RSPO3: variants seen among roughly 807,000 people sequenced by gnomAD.
The protein encoded by RSPO3 is R-spondin 3.
RSPO3 carries 17 observed loss-of-function variants against 36.5 expected under a neutral mutation model. The observed-to-expected ratio is 0.47, with a 90% CI of 0.32 to 0.70. The LOEUF is 0.70. RSPO3 is among the 30% of genes least tolerant of loss of function. The probability of loss-of-function intolerance (pLI) is 0.04; values close to 1 mark genes in which losing one functional copy is unlikely to be tolerated. For missense variants in RSPO3, 294 were observed against 322.5 expected (o/e 0.91, Z 0.68); for synonymous variants, 108 against 107.0 (o/e 1.01, Z -0.06).
intron 1 of RSPO3, among the ~76,000 whole-genome samples, chr6:127,145,908 GT>G (rs1470668065): frequency 6.6e-6 from 1 of 152,130 alleles, no homozygotes. Context: ...ATAGACCAAA[GT>G]TTTTTGTGGT....
chr6:127,141,385 T>C (rs917299625), intron 1 of RSPO3, among the ~76,000 whole-genome samples: 3 of 152,150 alleles, frequency 2.0e-5, no homozygotes, highest in African/African-American at 7.2e-5. Flanking sequence ...TTTCTTAATA[T>C]TTTGGGCTGA....
At chr6:127,174,592 A>G (rs1775010287) in intron 4 of RSPO3, among the ~76,000 whole-genome samples, 1 of 151,350 alleles carries the variant, frequency 6.6e-6, no homozygotes, top group South Asian at 2.1e-4. Flanking sequence ...TAATTTTTCA[A>G]GTTGACCTCC....
intron 4 of RSPO3, among the ~76,000 whole-genome samples, chr6:127,169,617 C>T (rs761495249): frequency 1.4e-4 from 22 of 151,752 alleles, no homozygotes; most frequent in African/African-American, 4.8e-4. Flanking sequence ...ATAAACAACA[C>T]GAAAGAGTTA....
intron 4 of RSPO3, among the ~76,000 whole-genome samples, chr6:127,167,969 C>T (rs1774855863): frequency 6.6e-6 from 1 of 152,070 alleles, no homozygotes; most frequent in Admixed American, 6.6e-5. Context: ...CATAGTATTC[C>T]ATGGTGTATA....
Position 127,118,887 on chromosome 6 carries a change from G to A in RSPO3, c.-306G>A. The A allele has an allele frequency of 5.0e-6, 1 of 198,368 alleles. No homozygotes were observed. The highest frequency in any genetic ancestry group is 1.0e-5 in the Non-Finnish European group (1 of 99,042). The allele number at this position is 198,368 out of a possible 1,614,324, so 12.3% of individuals were successfully genotyped here. A position where few individuals can be genotyped will look rare whatever the true frequency, so the allele number is the denominator to read the frequency against. The stretch of plus-strand genomic sequence containing the variant: ...CCGGATCCCGCCTGCGGCAGTTGCC[G>A]CACAACATGCTACCTGCGGCCGCCC... On this transcript the variant is annotated 5_prime_UTR_variant, in exon 1 of 5. Coordinates refer to ENST00000356698, the MANE Select transcript of RSPO3 (RefSeq NM_032784.5).
chr6:127,185,577 AT>A (rs777526147), intron 4 of RSPO3, among the ~76,000 whole-genome samples: 67 of 152,206 alleles, frequency 4.4e-4, no homozygotes, highest in Non-Finnish European at 4.6e-4. Flanking sequence ...CACTATAAAC[AT>A]TTATATTATC....
chr6:127,118,969 G>A lies in RSPO3; in HGVS notation c.-224G>A. ...TGCCAGCCACCCCAGCGAAGCCGCC[G>A]CAGTTCAGTGCTTGGATAATTTGAA... On this transcript the variant is annotated 5_prime_UTR_variant, in exon 1 of 5. Transcript: ENST00000356698. 2.9e-6 allele frequency: 1 copy of A among 349,544 alleles called. No homozygotes were observed. 21.7% of individuals were successfully genotyped at this position (349,544 alleles called of 1,614,324 possible).
rs1221003321 is a variant in RSPO3 at position 127,192,650 on chromosome 6, C to T, written c.635-3173C>T. ...TACCCAAACACCCTCATAGGTAGAA[C>T]ATCAAGGGGAGATGAACGCTGTTTT... On this transcript the variant is annotated intron_variant, in intron 4 of 4. Coordinates refer to ENST00000356698, the MANE Select transcript of RSPO3 (RefSeq NM_032784.5). 9 of 985,308 alleles carry T rather than the reference C, an allele frequency of 9.1e-6. 1 individual carries two copies. Among genetic ancestry groups the T allele is most frequent in the Non-Finnish European group, 1.1e-5 (9 of 829,868 alleles). 61.0% of individuals were successfully genotyped at this position (985,308 alleles called of 1,614,324 possible).
At chr6:127,187,752 T>G (rs1341692558) in intron 4 of RSPO3, among the ~76,000 whole-genome samples, 2 of 151,996 alleles carry the variant, frequency 1.3e-5, no homozygotes, top group African/African-American at 2.4e-5. Context: ...AAATGAACTT[T>G]TAACCAAAAA....
chr6:127,153,575 T>C (rs1156774216), intron 3 of RSPO3, among the ~76,000 whole-genome samples: 5 of 152,126 alleles, frequency 3.3e-5, no homozygotes, highest in South Asian at 2.1e-4. Flanking sequence ...CTTCTGACTA[T>C]AAACTAATAA....
chr6:127,137,762 C>T (rs942530005), intron 1 of RSPO3, among the ~76,000 whole-genome samples: 1 of 152,154 alleles, frequency 6.6e-6, no homozygotes, highest in African/African-American at 2.4e-5. Context: ...CATAATCATT[C>T]CTATCTGTTC....
intron 1 of RSPO3, among the ~76,000 whole-genome samples, chr6:127,129,932 A>G (rs1294181426): frequency 6.6e-6 from 1 of 152,146 alleles, no homozygotes; most frequent in Non-Finnish European, 1.5e-5. Flanking sequence ...CAACTTAAAT[A>G]TCATATTATT....
chr6:127,144,459 T>C (rs183238304), intron 1 of RSPO3, among the ~76,000 whole-genome samples: 2 of 152,280 alleles, frequency 1.3e-5, no homozygotes, highest in East Asian at 3.9e-4. Context: ...TTCTACTTAC[T>C]TGTATCATAA....
intron 1 of RSPO3, among the ~76,000 whole-genome samples, chr6:127,134,598 C>A (rs1291232579): frequency 1.3e-5 from 2 of 152,136 alleles, no homozygotes; most frequent in Non-Finnish European, 2.9e-5. Context: ...TTGTTGATGA[C>A]CTTTCCTAAC....
intron 2 of RSPO3, among the ~76,000 whole-genome samples, chr6:127,150,184 T>C (rs62438473): frequency 4.4e-4 from 66 of 151,472 alleles, no homozygotes; most frequent in South Asian, 2.1e-3. Context: ...TATATATATA[T>C]ATACACACAC....
chr6:127,190,415 C>A (rs1582816553), intron 4 of RSPO3, among the ~76,000 whole-genome samples: 1 of 151,998 alleles, frequency 6.6e-6, no homozygotes, highest in African/African-American at 2.4e-5. Context: ...GCAAAAAGAG[C>A]AAAACTCCGT....
intron 4 of RSPO3, among the ~76,000 whole-genome samples, chr6:127,180,096 T>C (rs1186802105): frequency 6.6e-6 from 1 of 151,832 alleles, no homozygotes; most frequent in African/African-American, 2.4e-5. Flanking sequence ...AAATGCAAAA[T>C]TGACAGATGT....
Position 127,199,379 on chromosome 6 carries a change from A to ATCAT in RSPO3, c.*3372_*3373insTCAT, listed in dbSNP as rs1775577505. Among the ~76,000 whole-genome samples the ATCAT allele has an allele frequency of 6.6e-6, 1 of 152,200 alleles. No homozygotes were observed. The highest frequency in any genetic ancestry group is 2.1e-4 in the South Asian group (1 of 4,836). On this transcript the variant is annotated 3_prime_UTR_variant, in exon 5 of 5. Transcript: ENST00000356698. ...TATTTCTTGATTCATGATATGTGATAGTATTCATAAAAATGTACATGCATG... is the reference window on the plus strand; with the variant it reads ...TATTTCTTGATTCATGATATGTGATATCATGTATTCATAAAAATGTACATGCATG...
intron 1 of RSPO3, among the ~76,000 whole-genome samples, chr6:127,135,416 T>TAA (rs35739572): frequency 2.6e-4 from 25 of 95,218 alleles, no homozygotes; most frequent in Admixed American, 6.0e-4. Context: ...TGAGAATCCA[T>TAA]AAAAAAAAAA....
Sources: gnomAD v4.1 joint callset for allele counts (sites outside exome capture counted in the v4.1 genomes callset) on GRCh38, gnomAD v4.1.1 for gene constraint, MANE v1.5 for transcripts, NCBI Gene and HGNC (gene_info 2026-07-23, HGNC 2026-07-21) for gene names.